CYSTM1: variants seen among roughly 807,000 people sequenced by gnomAD.
CYSTM1 encodes the protein cysteine-rich transmembrane module-containing protein 1.
In CYSTM1, 4 loss-of-function variants were observed where a neutral mutation model predicts 13.1. The ratio of observed to expected loss-of-function variants is 0.31; its 90% CI spans 0.15 to 0.70. The LOEUF (loss-of-function observed/expected upper bound fraction) is 0.70, where lower values mean the gene tolerates loss of function less well. Ranked by LOEUF, CYSTM1 falls within the 30% of genes least tolerant of loss-of-function variation. CYSTM1 has a pLI of 0.72. For missense variants in CYSTM1, 96 were observed against 121.6 expected (o/e 0.79, Z 0.99); for synonymous variants, 36 against 42.7 (o/e 0.84, Z 0.62).
In CYSTM1 at chr5:140,219,344, T is replaced by G. The variant is rs998256802; in HGVS notation, c.188-23961T>G. Among the ~76,000 whole-genome samples, 1 of 152,196 alleles carries G rather than the reference T, an allele frequency of 6.6e-6. No homozygotes were observed. Among genetic ancestry groups the G allele is most frequent in the Admixed American group, 6.5e-5 (1 of 15,284 alleles). On this transcript the variant is annotated intron_variant, in intron 2 of 2. Transcript: ENST00000261811. This position sits in a 1 kb window ranked among gnomAD's most constrained non-coding sequence, Gnocchi z 4.1. ...GCATAGCCCAGGCACCCTGCACAGT[T>G]CTTTGCAAATCTACAAGGAATGGCC... is the stretch of plus-strand genomic sequence containing the variant.
At chr5:140,176,421 A>C (rs1229307068) in intron 1 of CYSTM1, among the ~76,000 whole-genome samples, 1 of 152,252 alleles carries the variant, frequency 6.6e-6, no homozygotes, top group Non-Finnish European at 1.5e-5. Flanking sequence ...TGATACATGT[A>C]AACTTTGTGG....
Position 140,243,435 on chromosome 5 carries a change from C to A in CYSTM1, c.*24C>A. 1 of 1,605,212 alleles carries A rather than the reference C, an allele frequency of 6.2e-7. No homozygotes were observed. Among genetic ancestry groups the A allele is most frequent in the Non-Finnish European group, 8.5e-7 (1 of 1,173,700 alleles). On this transcript the variant is annotated 3_prime_UTR_variant, in exon 3 of 3. Transcript: ENST00000261811. ...GACCAGACCAGCCCAGCCGTCCTGT[C>A]CTGCCAGCTCTGCTGCCACCTCTGA... is the stretch of plus-strand genomic sequence containing the variant.
chr5:140,237,176 G>C (rs1053283290), intron 2 of CYSTM1, among the ~76,000 whole-genome samples: 1 of 152,192 alleles, frequency 6.6e-6, no homozygotes, highest in South Asian at 2.1e-4. Flanking sequence ...TCAATTGACT[G>C]TTGGACCAGG....
At chr5:140,188,778 C>CAAAAAAAAA (rs34915397) in intron 1 of CYSTM1, among the ~76,000 whole-genome samples, 2 of 113,442 alleles carry the variant, frequency 1.8e-5, no homozygotes, top group South Asian at 3.3e-4. Context: ...GACTCCGTCT[C>CAAAAAAAAA]AAAAAAAAAA....
At chr5:140,224,816 C>T (rs1764529921) in intron 2 of CYSTM1, among the ~76,000 whole-genome samples, 1 of 152,226 alleles carries the variant, frequency 6.6e-6, no homozygotes, top group Non-Finnish European at 1.5e-5. Flanking sequence ...CCATCATGCC[C>T]AGCCTGGCAT....
chr5:140,238,557 T>C (rs575229375), intron 2 of CYSTM1, among the ~76,000 whole-genome samples: 2 of 152,318 alleles, frequency 1.3e-5, no homozygotes, highest in African/African-American at 2.4e-5. Flanking sequence ...CATTTTGTTC[T>C]CATCAGTGTA....
chr5:140,221,602 G>A (rs531182878), intron 2 of CYSTM1, among the ~76,000 whole-genome samples: 26 of 152,202 alleles, frequency 1.7e-4, no homozygotes, highest in African/African-American at 5.8e-4. Flanking sequence ...ACCACATTTC[G>A]TTTATCCATT....
Position 140,175,594 on chromosome 5 carries a change from G to A in CYSTM1, c.-21+309G>A, listed in dbSNP as rs1018957579. Among the ~76,000 whole-genome samples the A allele has an allele frequency of 6.6e-6, 1 of 152,234 alleles. No homozygotes were observed. Among genetic ancestry groups the A allele is most frequent in the African/African-American group, 2.4e-5 (1 of 41,468 alleles). On this transcript the variant is annotated intron_variant, in intron 1 of 2. Coordinates refer to ENST00000261811, the MANE Select transcript of CYSTM1 (RefSeq NM_032412.4). This position sits in a 1 kb window ranked among gnomAD's most constrained non-coding sequence, Gnocchi z 4.9. ...GGTTCTCGTCTCACGAGGAGTCGGC[G>A]GGCTCGGAGCGGGGCTCGCCACACC...
At chr5:140,183,951 T>C (rs1763988087) in intron 1 of CYSTM1, among the ~76,000 whole-genome samples, 1 of 152,222 alleles carries the variant, frequency 6.6e-6, no homozygotes, top group African/African-American at 2.4e-5. Flanking sequence ...GTTGGAAGCA[T>C]CTAGGAGCAT....
intron 2 of CYSTM1, among the ~76,000 whole-genome samples, chr5:140,213,011 GAGAGAGAGAGAC>G (rs1413945963): frequency 2.5e-5 from 2 of 79,238 alleles, no homozygotes; most frequent in Admixed American, 1.4e-4. Flanking sequence ...ATATATATAT[GAGAGAGAGAGAC>G]AGAGAGAGAG....
At chr5:140,220,373 C>T (rs951567578) in intron 2 of CYSTM1, among the ~76,000 whole-genome samples, 16 of 152,070 alleles carry the variant, frequency 1.1e-4, no homozygotes, top group African/African-American at 3.9e-4. Flanking sequence ...CACTAGCCAT[C>T]GTTTATTGAA....
At chr5:140,193,932 TTGGTCATTGC>T (rs1764121946) in intron 1 of CYSTM1, among the ~76,000 whole-genome samples, 1 of 152,204 alleles carries the variant, frequency 6.6e-6, no homozygotes, top group Non-Finnish European at 1.5e-5. Context: ...CAAACTTTGG[TTGGTCATTGC>T]TGCCAGTGCT....
At chr5:140,222,227 C>G (rs1292011290) in intron 2 of CYSTM1, among the ~76,000 whole-genome samples, 1 of 152,262 alleles carries the variant, frequency 6.6e-6, no homozygotes, top group Non-Finnish European at 1.5e-5. Flanking sequence ...GTATTATCCC[C>G]CATGTCTTCC....
intron 1 of CYSTM1, among the ~76,000 whole-genome samples, chr5:140,180,824 T>C (rs765242333): frequency 4.6e-5 from 7 of 152,070 alleles, no homozygotes; most frequent in Non-Finnish European, 8.8e-5. Context: ...CATTAAATGG[T>C]TTAAGGGAGA....
chr5:140,206,213 G>C (rs1764296717), intron 2 of CYSTM1, among the ~76,000 whole-genome samples: 1 of 151,870 alleles, frequency 6.6e-6, no homozygotes, highest in African/African-American at 2.4e-5. Context: ...TAGTCAGAAA[G>C]GCCTTCCAGT....
At chr5:140,210,131 A>C (rs1401960853) in intron 2 of CYSTM1, among the ~76,000 whole-genome samples, 1 of 152,052 alleles carries the variant, frequency 6.6e-6, no homozygotes, top group Non-Finnish European at 1.5e-5. Context: ...AATCATTTTC[A>C]TTGTCTTATT....
At chr5:140,242,940 G>T (rs765803495) in intron 2 of CYSTM1, among the ~76,000 whole-genome samples, 1 of 152,178 alleles carries the variant, frequency 6.6e-6, no homozygotes, top group African/African-American at 2.4e-5. Context: ...TGGGTGATGG[G>T]TCAGCTGTAT....
In CYSTM1 at chr5:140,225,375, AGTG is replaced by A. The variant is rs537267935; in HGVS notation, c.188-17928_188-17926del. Reference sequence around the variant, plus strand: ...ACCTGGGTTGTTTAGGCCTTCAATCAGTGGGAGGGAGTTGGGGAAGGGGTTGTT... The same window carrying A: ...ACCTGGGTTGTTTAGGCCTTCAATCAGGAGGGAGTTGGGGAAGGGGTTGTT... On this transcript the variant is annotated intron_variant, in intron 2 of 2. Coordinates refer to ENST00000261811, the MANE Select transcript of CYSTM1 (RefSeq NM_032412.4). Among the ~76,000 whole-genome samples the A allele has an allele frequency of 2.6e-5, 4 of 152,240 alleles. No homozygotes were observed. The South Asian group carries it at 8.3e-4, about 32-fold the overall frequency.
intron 2 of CYSTM1, among the ~76,000 whole-genome samples, chr5:140,208,149 G>A (rs1342027342): frequency 6.6e-6 from 1 of 152,192 alleles, no homozygotes; most frequent in Admixed American, 6.5e-5. Flanking sequence ...TCTCATGTTT[G>A]TTGCAGCTTT....
Sources: gnomAD v4.1 joint callset for allele counts (sites outside exome capture counted in the v4.1 genomes callset) on GRCh38, gnomAD v4.1.1 for gene constraint, Gnocchi (gnomAD v3.1) non-coding constraint, MANE v1.5 for transcripts, NCBI Gene and HGNC (gene_info 2026-07-23, HGNC 2026-07-21) for gene names.